The following RANBP2 variants were observed in gnomAD, a reference collection of about 807,000 sequenced individuals.
The protein encoded by RANBP2 is E3 SUMO-protein ligase RanBP2.
In RANBP2, 57 loss-of-function variants were observed where a neutral mutation model predicts 303.6. That is an observed-to-expected ratio of 0.19 (90% CI 0.15 to 0.23). The LOEUF (loss-of-function observed/expected upper bound fraction) is 0.23, where lower values mean the gene tolerates loss of function less well. Ranked by LOEUF, RANBP2 falls within the 10% of genes least tolerant of loss-of-function variation. RANBP2 has a pLI of 1.00. For missense variants in RANBP2, 3,138 were observed against 3,780.8 expected, an observed-to-expected ratio of 0.83 and a Z score of 4.46; for synonymous variants, 1,167 against 1,301.5, an observed-to-expected ratio of 0.90 and a Z score of 2.23.
chr2:109,632,216 A>G, the RANBP2 span, among the ~76,000 whole-genome samples: 1 of 152,212 alleles, frequency 6.6e-6, no homozygotes, highest in African/African-American at 2.4e-5. Context: ...CCATATTTGT[A>G]TGCTTTACAG....
chr2:109,708,959 A>G, the RANBP2 span, among the ~76,000 whole-genome samples: 1 of 152,032 alleles, frequency 6.6e-6, no homozygotes, highest in African/African-American at 2.4e-5. Flanking sequence ...CCTGGGCAAC[A>G]GAGCAAGGCT....
chr2:109,646,311 T>G, the RANBP2 span, among the ~76,000 whole-genome samples: 2 of 152,152 alleles, frequency 1.3e-5, no homozygotes, highest in African/African-American at 4.8e-5. Flanking sequence ...GTCATCCAGA[T>G]AAATGATATT....
chr2:108,912,247 T>C, the RANBP2 span, among the ~76,000 whole-genome samples: 1 of 152,372 alleles, frequency 6.6e-6, no homozygotes, highest in East Asian at 1.9e-4. Flanking sequence ...CCTCAATCCC[T>C]TCTTCCCTGG....
chr2:109,540,798 CAAA>C, the RANBP2 span, among the ~76,000 whole-genome samples: 2 of 131,210 alleles, frequency 1.5e-5, no homozygotes, highest in Non-Finnish European at 1.6e-5. Context: ...AAGACCCTGT[CAAA>C]AAAAAAAAAA....
chr2:109,242,941 A>G, the RANBP2 span, among the ~76,000 whole-genome samples: 1 of 151,978 alleles, frequency 6.6e-6, no homozygotes, highest in Admixed American at 6.5e-5. Flanking sequence ...CAGCCAAAGG[A>G]CTCTTGTCCT....
At chr2:109,618,788 TAGTG>T in the RANBP2 span, 4 of 167,066 alleles carry the variant, frequency 2.4e-5, no homozygotes, top group East Asian at 1.9e-4. Flanking sequence ...CACTTGAAAC[TAGTG>T]AGTGTTTGTC....
the RANBP2 span, among the ~76,000 whole-genome samples, chr2:108,969,135 G>A: frequency 6.6e-6 from 1 of 152,124 alleles, no homozygotes; most frequent in Non-Finnish European, 1.5e-5. Flanking sequence ...ATTCAACAAG[G>A]GTGATGAAGA....
chr2:109,279,580 TG>T, the RANBP2 span, among the ~76,000 whole-genome samples: 1 of 152,222 alleles, frequency 6.6e-6, no homozygotes, highest in Non-Finnish European at 1.5e-5. Flanking sequence ...AGTTGCCTAG[TG>T]GGTGGGATTT....
the RANBP2 span, among the ~76,000 whole-genome samples, chr2:109,239,233 A>T: frequency 6.6e-6 from 1 of 151,996 alleles, no homozygotes; most frequent in Admixed American, 6.5e-5. Flanking sequence ...GTAAATACGG[A>T]TGGCAAACAG....
At chr2:109,606,561 C>A in the RANBP2 span, among the ~76,000 whole-genome samples, 1 of 151,162 alleles carries the variant, frequency 6.6e-6, no homozygotes, top group South Asian at 2.1e-4. Flanking sequence ...TATATCTTGA[C>A]TACTTTATTA....
the RANBP2 span, among the ~76,000 whole-genome samples, chr2:109,507,348 C>T: frequency 6.6e-6 from 1 of 152,210 alleles, no homozygotes; most frequent in African/African-American, 2.4e-5. Context: ...GTTCTCTTCT[C>T]CCTTCTGTTT....
chr2:109,592,797 G>A, the RANBP2 span, among the ~76,000 whole-genome samples: 3 of 150,094 alleles, frequency 2.0e-5, no homozygotes, highest in South Asian at 2.1e-4. Context: ...AAAAGGAAAC[G>A]AAAAAAGAAA....
At chr2:109,536,167 G>C in the RANBP2 span, among the ~76,000 whole-genome samples, 37,957 of 151,946 alleles carry the variant, frequency 0.25, 4,837 homozygotes, top group South Asian at 0.29. Flanking sequence ...GTGAGAAAAG[G>C]ACCACCATCC....
At chr2:109,741,456 C>T in the RANBP2 span, among the ~76,000 whole-genome samples, 5 of 149,574 alleles carry the variant, frequency 3.3e-5, no homozygotes, top group Admixed American at 6.7e-5. Context: ...CGGTGCCCCA[C>T]GCCTGTAATC....
intron 28 of RANBP2, 66 bp from the exon 29 acceptor site, chr2:108,783,530 T>C (rs543547440): frequency 8.1e-7 from 1 of 1,237,900 alleles, no homozygotes; most frequent in Non-Finnish European, 1.1e-6. Flanking sequence ...TATTTTAATA[T>C]TTTACTCAGG....
chr2:109,085,325 A>T, the RANBP2 span, among the ~76,000 whole-genome samples: 1 of 152,136 alleles, frequency 6.6e-6, no homozygotes, highest in African/African-American at 2.4e-5. Context: ...TTTTTTTTAG[A>T]TAGAGTCTTG....
chr2:109,345,141 T>A, the RANBP2 span, among the ~76,000 whole-genome samples: 1 of 152,178 alleles, frequency 6.6e-6, no homozygotes, highest in African/African-American at 2.4e-5. Flanking sequence ...CCAGGCTGCC[T>A]GGTGGAAGAT....
the RANBP2 span, among the ~76,000 whole-genome samples, chr2:108,799,816 T>G: frequency 6.6e-6 from 1 of 152,192 alleles, no homozygotes; most frequent in Admixed American, 6.5e-5. Context: ...TTCCCATTAT[T>G]TTCTTCAGTG....
At chr2:109,003,428 GAGA>G in the RANBP2 span, among the ~76,000 whole-genome samples, 1 of 141,486 alleles carries the variant, frequency 7.1e-6, no homozygotes, top group African/African-American at 2.6e-5. Flanking sequence ...TTTTTTTTTT[GAGA>G]AGGAGTTTCT....
Sources: allele counts gnomAD v4.1 joint callset (sites outside exome capture counted in the v4.1 genomes callset), GRCh38; gene constraint gnomAD v4.1.1; transcripts MANE v1.5; gene names NCBI Gene and HGNC (gene_info 2026-07-23, HGNC 2026-07-21).